Variants in CERS4 observed in about 807,000 individuals in gnomAD.
CERS4 encodes ceramide synthase 4.
In CERS4, 65 loss-of-function variants were observed where a neutral mutation model predicts 51.8. The ratio of observed to expected loss-of-function variants is 1.26; its 90% CI spans 1.03 to 1.54. The LOEUF (loss-of-function observed/expected upper bound fraction) is 1.54, where lower values mean the gene tolerates loss of function less well. Among genes scored for constraint, CERS4 ranks in the 40% most tolerant of loss-of-function variants. The pLI, the probability that CERS4 is intolerant of heterozygous loss-of-function variation, is 0.00. For synonymous variants in CERS4, 228 were observed against 208.4 expected (o/e 1.09, Z -0.81); for missense variants, 563 against 500.4 (o/e 1.13, Z -1.19).
intron 9 of CERS4, 111 bp downstream of exon 9, chr19:8,257,188 C>G: frequency 8.9e-7 from 1 of 1,128,042 alleles, no homozygotes; most frequent in South Asian, 1.5e-5. Context: ...GAGCCCCACC[C>G]CTCCTGTCTT....
intron 4 of CERS4, among the ~76,000 whole-genome samples, chr19:8,254,881 C>CG (rs1241047424): frequency 6.6e-6 from 1 of 151,814 alleles, no homozygotes; most frequent in Non-Finnish European, 1.5e-5. Context: ...GAGGACCCCC[C>CG]CCTTCCCAGC....
chr19:8,230,448 C>T (rs1244750798), intron 2 of CERS4, among the ~76,000 whole-genome samples: 1 of 152,176 alleles, frequency 6.6e-6, no homozygotes. Context: ...ATTCAGCCTC[C>T]TAAAGTGCTG....
chr19:8,238,649 C>T, intron 2 of CERS4: 1 of 934,986 alleles, frequency 1.1e-6, no homozygotes. Flanking sequence ...CCTCATGGTC[C>T]AGTATTGGTT....
chr19:8,232,290 TTTTTC>T (rs1427755957), intron 2 of CERS4, among the ~76,000 whole-genome samples: 3 of 152,054 alleles, frequency 2.0e-5, no homozygotes, highest in East Asian at 3.9e-4. Flanking sequence ...TTTTATTTCT[TTTTTC>T]TTTTCTTTTT....
intron 2 of CERS4, among the ~76,000 whole-genome samples, chr19:8,221,153 G>A (rs544203587): frequency 6.7e-6 from 1 of 148,454 alleles, no homozygotes; most frequent in Admixed American, 6.8e-5. Context: ...TTTTTAAACA[G>A]AGACAGGGTC....
intron 2 of CERS4, among the ~76,000 whole-genome samples, chr19:8,216,360 CAG>C (rs751521684): frequency 6.7e-6 from 1 of 148,248 alleles, no homozygotes; most frequent in Non-Finnish European, 1.5e-5. Flanking sequence ...GCCTGGGCGA[CAG>C]AGAGAGATTT....
At chr19:8,241,054 A>C (rs1968518724) in intron 2 of CERS4, among the ~76,000 whole-genome samples, 1 of 152,070 alleles carries the variant, frequency 6.6e-6, no homozygotes. Context: ...TGGCCCTGCC[A>C]CCCACGCGGT....
At chr19:8,223,962 C>T (rs1424568086) in intron 2 of CERS4, among the ~76,000 whole-genome samples, 1 of 150,188 alleles carries the variant, frequency 6.7e-6, no homozygotes, top group Non-Finnish European at 1.5e-5. Context: ...ATTAGCCGGG[C>T]ATCATGGTGC....
intron 3 of CERS4, among the ~76,000 whole-genome samples, chr19:8,251,722 T>C (rs1006804321): frequency 6.6e-6 from 1 of 151,596 alleles, no homozygotes; most frequent in Non-Finnish European, 1.5e-5. Context: ...GAGAATCGCC[T>C]GAACCTGGGA....
intron 2 of CERS4, among the ~76,000 whole-genome samples, chr19:8,227,160 G>A (rs1408657389): frequency 6.6e-6 from 1 of 152,050 alleles, no homozygotes; most frequent in Non-Finnish European, 1.5e-5. Flanking sequence ...AAGTAGTGAG[G>A]TGGGGGTAGA....
intron 2 of CERS4, 93 bp from the exon 3 acceptor site, chr19:8,250,983 A>C: frequency 6.7e-7 from 1 of 1,491,052 alleles, no homozygotes; most frequent in South Asian, 1.4e-5. Flanking sequence ...TAGGGGCCCG[A>C]GTAGGAGTTC....
chr19:8,229,189 G>A (rs1019935598), intron 2 of CERS4, among the ~76,000 whole-genome samples: 1 of 151,948 alleles, frequency 6.6e-6, no homozygotes, highest in Admixed American at 6.6e-5. Flanking sequence ...GCTAGGCAAG[G>A]TAGTGCACAC....
chr19:8,236,130 G>A (rs1968241292), intron 2 of CERS4, among the ~76,000 whole-genome samples: 1 of 152,118 alleles, frequency 6.6e-6, no homozygotes, highest in South Asian at 2.1e-4. Flanking sequence ...GGGAGGCGGA[G>A]CTTGCAGTGA....
At chr19:8,226,336 G>C (rs903618309) in intron 2 of CERS4, among the ~76,000 whole-genome samples, 2 of 152,184 alleles carry the variant, frequency 1.3e-5, no homozygotes, top group African/African-American at 4.8e-5. Flanking sequence ...GGTCACTGGT[G>C]CCTTAGGATA....
At chr19:8,250,874 T>G in intron 2 of CERS4, 1 of 1,406,442 alleles carries the variant, frequency 7.1e-7, no homozygotes, top group Non-Finnish European at 9.2e-7. Context: ...GTGATGAGAA[T>G]GAAGTGGTGG....
Position 8,262,346 on chromosome 19 carries a change from C to T in CERS4, c.*237C>T, listed in dbSNP as rs1969752498. 2.4e-6 allele frequency: 1 copy of T among 409,190 alleles called. No homozygotes were observed. Among genetic ancestry groups the T allele is most frequent in the African/African-American group, 2.1e-5 (1 of 48,734 alleles). 25.3% of individuals were successfully genotyped at this position (409,190 alleles called of 1,614,324 possible). On this transcript the variant is annotated 3_prime_UTR_variant, in exon 12 of 12. Transcript: ENST00000251363. The stretch of plus-strand genomic sequence containing the variant: ...GCTGGATGCTGTGGCTGGCCAGAGA[C>T]ACCTCCAGGCTGTGGCCTGGGGGCT...
chr19:8,221,870 A>ATTTTT (rs1568501097), intron 2 of CERS4, among the ~76,000 whole-genome samples: 6 of 31,772 alleles, frequency 1.9e-4, no homozygotes, highest in Non-Finnish European at 2.3e-4. Flanking sequence ...TTATTTTTTT[A>ATTTTT]TGTTTTTTTT....
At chr19:8,250,808 C>T (rs929014264) in intron 2 of CERS4, 24 of 1,204,312 alleles carry the variant, frequency 2.0e-5, no homozygotes, top group Non-Finnish European at 2.4e-5. Flanking sequence ...AGTCATTTGC[C>T]TGAGGACACA....
intron 2 of CERS4, among the ~76,000 whole-genome samples, chr19:8,249,728 T>A (rs1968979735): frequency 6.7e-6 from 1 of 150,056 alleles, no homozygotes; most frequent in African/African-American, 2.5e-5. Context: ...GTAGCTGGGA[T>A]TACAGGCGCA....
Sources: gnomAD v4.1 joint callset for allele counts (sites outside exome capture counted in the v4.1 genomes callset) on GRCh38, gnomAD v4.1.1 for gene constraint, MANE v1.5 for transcripts, NCBI Gene and HGNC (gene_info 2026-07-23, HGNC 2026-07-21) for gene names.